Variants in NRXN3 observed in about 807,000 individuals in gnomAD.
The protein encoded by NRXN3 is neurexin 3.
NRXN3 carries 32 observed loss-of-function variants against 137.6 expected under a neutral mutation model. The observed-to-expected ratio is 0.23, with a 90% CI of 0.18 to 0.31. The LOEUF (loss-of-function observed/expected upper bound fraction) is 0.31, where lower values mean the gene tolerates loss of function less well. Ranked by LOEUF, NRXN3 falls within the 10% of genes least tolerant of loss-of-function variation. NRXN3 has a pLI of 1.00. For synonymous variants in NRXN3, 798 were observed against 784.5 expected (o/e 1.02, Z -0.29); for missense variants, 1,574 against 2,062.5 (o/e 0.76, Z 4.59).
chr14:79,133,541 G>A (rs769753975), intron 15 of NRXN3, among the ~76,000 whole-genome samples: 1 of 152,136 alleles, frequency 6.6e-6, no homozygotes, highest in African/African-American at 2.4e-5. Context: ...CAAGGGATAT[G>A]TAAAGGTACA....
chr14:79,514,285 A>G (rs1019251128), intron 16 of NRXN3, among the ~76,000 whole-genome samples: 2 of 151,982 alleles, frequency 1.3e-5, no homozygotes, highest in Non-Finnish European at 2.9e-5. Flanking sequence ...AGAAAAACAA[A>G]GCAGCATTTT....
At chr14:79,165,720 G>T (rs1321858509) in intron 15 of NRXN3, among the ~76,000 whole-genome samples, 2 of 151,966 alleles carry the variant, frequency 1.3e-5, no homozygotes, top group Non-Finnish European at 2.9e-5. Flanking sequence ...ACAGGGAGGG[G>T]TCTTCATTCC....
At chr14:79,127,350 G>A (rs1470275848) in intron 15 of NRXN3, among the ~76,000 whole-genome samples, 1 of 152,042 alleles carries the variant, frequency 6.6e-6, no homozygotes, top group Non-Finnish European at 1.5e-5. Context: ...ATTGATTTTT[G>A]TATAAGGTGT....
At chr14:79,068,078 G>A (rs2099683025) in intron 15 of NRXN3, among the ~76,000 whole-genome samples, 1 of 151,908 alleles carries the variant, frequency 6.6e-6, no homozygotes, top group South Asian at 2.1e-4. Context: ...ACTCAAAGGA[G>A]AACAGAGACC....
intron 19 of NRXN3, among the ~76,000 whole-genome samples, chr14:79,803,433 C>T (rs959900512): frequency 6.6e-6 from 1 of 152,008 alleles, no homozygotes; most frequent in African/African-American, 2.4e-5. Flanking sequence ...GAGAACTCTC[C>T]CCTTGGCTTG....
At chr14:78,739,682 G>A (rs537977142) in intron 8 of NRXN3, among the ~76,000 whole-genome samples, 2 of 152,242 alleles carry the variant, frequency 1.3e-5, no homozygotes, top group Non-Finnish European at 2.9e-5. Context: ...ATGTTGGCCA[G>A]GCTGCTCTCG....
At chr14:78,748,145 T>C (rs1483893247) in intron 8 of NRXN3, among the ~76,000 whole-genome samples, 3 of 152,144 alleles carry the variant, frequency 2.0e-5, no homozygotes, top group Non-Finnish European at 2.9e-5. Flanking sequence ...GGTATTGTGC[T>C]AGGTTCAGGG....
At chr14:78,282,046 C>A in intron 3 of NRXN3, 1 of 444,496 alleles carries the variant, frequency 2.2e-6, no homozygotes. Context: ...CATGGTGGAG[C>A]TTAAAGGGTA....
chr14:79,458,207 T>A (rs1007238681), intron 15 of NRXN3, among the ~76,000 whole-genome samples: 1 of 152,136 alleles, frequency 6.6e-6, no homozygotes, highest in Non-Finnish European at 1.5e-5. Context: ...AGGAGTAACA[T>A]AAAACAATTT....
At chr14:78,529,335 A>G (rs1041429074) in intron 4 of NRXN3, among the ~76,000 whole-genome samples, 15 of 152,200 alleles carry the variant, frequency 9.9e-5, no homozygotes. Context: ...ATAAAATAAG[A>G]GTGGGAAATT....
intron 15 of NRXN3, among the ~76,000 whole-genome samples, chr14:79,235,532 T>A (rs937202933): frequency 6.6e-6 from 1 of 152,198 alleles, no homozygotes; most frequent in Non-Finnish European, 1.5e-5. Flanking sequence ...CACAGACTGG[T>A]TCTGAATTAA....
chr14:78,409,235 A>G (rs1002386160), intron 4 of NRXN3, among the ~76,000 whole-genome samples: 7 of 152,222 alleles, frequency 4.6e-5, no homozygotes, highest in African/African-American at 1.7e-4. Context: ...GGTGGTTTCT[A>G]TATGCTAGGT....
chr14:79,304,399 CA>C (rs1240665270), intron 15 of NRXN3, among the ~76,000 whole-genome samples: 5 of 151,988 alleles, frequency 3.3e-5, no homozygotes, highest in Admixed American at 6.6e-5. Context: ...TAGTGAGCAA[CA>C]GTAAAAAGTG....
chr14:79,555,131 C>T (rs183792004), intron 16 of NRXN3, among the ~76,000 whole-genome samples: 15 of 152,210 alleles, frequency 9.9e-5, no homozygotes, highest in Admixed American at 9.2e-4. Context: ...GGGAAGCCTT[C>T]GCCAAGAGGT....
intron 15 of NRXN3, among the ~76,000 whole-genome samples, chr14:79,118,415 G>T (rs1463625076): frequency 6.6e-6 from 1 of 152,182 alleles, no homozygotes; most frequent in African/African-American, 2.4e-5. Context: ...GAAGGGGAAT[G>T]GCATGTGTTC....
intron 15 of NRXN3, among the ~76,000 whole-genome samples, chr14:79,104,874 A>C (rs2052084784): frequency 6.6e-6 from 1 of 150,774 alleles, no homozygotes; most frequent in Non-Finnish European, 1.5e-5. Flanking sequence ...TATATCCAAC[A>C]TTTCAAAGAA....
chr14:79,602,052 G>T (rs1415983486), intron 16 of NRXN3, among the ~76,000 whole-genome samples: 2 of 152,102 alleles, frequency 1.3e-5, no homozygotes, highest in East Asian at 1.9e-4. Context: ...AATTTTCTTT[G>T]ATTTAAAACA....
chr14:79,438,756 G>A (rs778118504), intron 15 of NRXN3, among the ~76,000 whole-genome samples: 21 of 152,204 alleles, frequency 1.4e-4, no homozygotes, highest in Non-Finnish European at 1.9e-4. Flanking sequence ...ACCTGAAAGA[G>A]CATTTTTGGA....
chr14:79,321,220 G>A (rs2089964323), intron 15 of NRXN3, among the ~76,000 whole-genome samples: 2 of 151,950 alleles, frequency 1.3e-5, no homozygotes. Context: ...GTTTATATAT[G>A]ACTAAAGGTC....
Sources: gnomAD v4.1 joint callset for allele counts (sites outside exome capture counted in the v4.1 genomes callset) on GRCh38, gnomAD v4.1.1 for gene constraint, MANE v1.5 for transcripts, NCBI Gene and HGNC (gene_info 2026-07-23, HGNC 2026-07-21) for gene names.